Variants in NECTIN3 observed in about 807,000 individuals in gnomAD.
NECTIN3 encodes nectin-3.
Under a neutral mutation model 49.4 loss-of-function variants are expected in NECTIN3, and 8 were observed. That is an observed-to-expected ratio of 0.16 (90% CI 0.10 to 0.29). The LOEUF (loss-of-function observed/expected upper bound fraction) is 0.29. Among genes scored for constraint, NECTIN3 ranks in the 10% least tolerant of loss-of-function variants. The pLI is 1.00. For missense variants in NECTIN3, 581 were observed against 654.6 expected, an observed-to-expected ratio of 0.89 and a Z score of 1.23; for synonymous variants, 277 against 241.1, an observed-to-expected ratio of 1.15 and a Z score of -1.38.
intron 7 of NECTIN3, among the ~76,000 whole-genome samples, chr3:111,157,143 G>A (rs1159828130): frequency 6.6e-6 from 1 of 152,074 alleles, no homozygotes; most frequent in Non-Finnish European, 1.5e-5. Flanking sequence ...CACTGTTTTA[G>A]GTGAGGGGAC....
chr3:111,150,205 G>A (rs2034971623), intron 7 of NECTIN3, among the ~76,000 whole-genome samples: 1 of 151,940 alleles, frequency 6.6e-6, no homozygotes. Flanking sequence ...TTTCAGTCTA[G>A]CAGCAATATT....
chr3:111,072,028 C>A lies in NECTIN3; in HGVS notation c.11C>A (p.Thr4Asn), dbSNP rs767788694. Reference protein sequence around the residue: MARTLRPSPLCPGG... With the variant: MARNLRPSPLCPGG... ...GGGGGAGGGTGGGGGATGGCGCGGA[C>A]CCTGCGGCCGTCCCCGCTGTGTCCT... is the stretch of plus-strand genomic sequence containing the variant. Residue 4 changes from threonine (T) to asparagine (N), a missense_variant, in exon 1 of 6, where the codon ACC (threonine) becomes AAC (asparagine). Around this residue, in one of 3 missense-constraint regions of NECTIN3, gnomAD observed 109 missense variants for 69.1 expected, o/e 1.58. Transcript: ENST00000485303. The A allele has an allele frequency of 1.5e-4, 236 of 1,530,680 alleles. No individual in the cohort carries two copies. The highest frequency in any genetic ancestry group is 2.0e-4 in the Non-Finnish European group (229 of 1,138,648). The allele number at this position is 1,530,680 out of a possible 1,614,324, so 94.8% of individuals were successfully genotyped here.
chr3:111,111,355 A>C (rs918504920), intron 1 of NECTIN3, among the ~76,000 whole-genome samples: 5 of 152,150 alleles, frequency 3.3e-5, no homozygotes, highest in African/African-American at 1.2e-4. Context: ...GAAAAACAAA[A>C]TTATTTTACA....
intron 1 of NECTIN3, among the ~76,000 whole-genome samples, chr3:111,101,217 CCTTA>C (rs1475137762): frequency 2.0e-5 from 3 of 152,052 alleles, no homozygotes; most frequent in East Asian, 1.9e-4. Flanking sequence ...TAAAGAGAAC[CCTTA>C]CTTAATATTG....
chr3:111,099,617 CT>C (rs900967799), intron 1 of NECTIN3, among the ~76,000 whole-genome samples: 31 of 152,212 alleles, frequency 2.0e-4, no homozygotes, highest in African/African-American at 7.2e-4. Flanking sequence ...TATTAGCACC[CT>C]TTTTTTCTTA....
At chr3:111,125,746 AACATT>A (rs2034140434) in intron 4 of NECTIN3, among the ~76,000 whole-genome samples, 1 of 152,210 alleles carries the variant, frequency 6.6e-6, no homozygotes, top group South Asian at 2.1e-4. Context: ...AGGGTGCTAA[AACATT>A]ACATATTTAA....
intron 7 of NECTIN3, among the ~76,000 whole-genome samples, chr3:111,164,318 G>A (rs2035275904): frequency 6.6e-6 from 1 of 152,166 alleles, no homozygotes; most frequent in Non-Finnish European, 1.5e-5. Flanking sequence ...TCACGTTGAA[G>A]CTGTCTCCCA....
chr3:111,176,065 G>T (rs939442698), intron 7 of NECTIN3, among the ~76,000 whole-genome samples: 1 of 152,228 alleles, frequency 6.6e-6, no homozygotes, highest in Non-Finnish European at 1.5e-5. Flanking sequence ...TAGATGGCCT[G>T]TTATTTGTAG....
chr3:111,081,010 C>T (rs1016659269), intron 1 of NECTIN3, among the ~76,000 whole-genome samples: 10 of 152,208 alleles, frequency 6.6e-5, no homozygotes, highest in Admixed American at 5.2e-4. Flanking sequence ...AGGCTGGGTG[C>T]AGTGGCTCAC....
intron 7 of NECTIN3, among the ~76,000 whole-genome samples, chr3:111,160,633 C>G (rs1021135909): frequency 1.3e-5 from 2 of 151,610 alleles, no homozygotes; most frequent in Non-Finnish European, 2.9e-5. Flanking sequence ...CTTTTTGCAA[C>G]CAAAGTGATG....
intron 7 of NECTIN3, among the ~76,000 whole-genome samples, chr3:111,151,467 A>G (rs2034999132): frequency 6.6e-6 from 1 of 151,984 alleles, no homozygotes; most frequent in Non-Finnish European, 1.5e-5. Flanking sequence ...AAGAGACTAT[A>G]GAAATATTTT....
rs184726182 is a variant in NECTIN3, at chr3:111,161,737, C to T, written c.1221+14253C>T. On this transcript the variant is annotated intron_variant, in intron 7 of 8. Coordinates refer to the NECTIN3 transcript ENST00000493615. The stretch of plus-strand genomic sequence containing the variant: ...AAAAATCGTCTTCCATGAAAGCCAT[C>T]CCTCGTTCCAAAAAGATTGGTGACT... Among the ~76,000 whole-genome samples, 567 of 152,266 alleles carry T rather than the reference C, an allele frequency of 3.7e-3. 3 individuals are homozygous for T. Among genetic ancestry groups the T allele is most frequent in the Non-Finnish European group, 3.5e-3 (236 of 68,024 alleles).
At chr3:111,088,012 C>T (rs1049106758) in intron 1 of NECTIN3, among the ~76,000 whole-genome samples, 1 of 152,018 alleles carries the variant, frequency 6.6e-6, no homozygotes, top group African/African-American at 2.4e-5. Context: ...AAGCCTTTTT[C>T]TCAGCTTAGG....
rs569889197 is a variant in NECTIN3 at position 111,144,421 on chromosome 3, A to AT, written c.1001-478_1001-477insT. On this transcript the variant is annotated intron_variant, in intron 5 of 8. Transcript: ENST00000493615. The stretch of plus-strand genomic sequence containing the variant: ...TTCAAATTTTACAGTGTCCAATGTC[A>AT]ATTTTTTTTGATCTGGGATATTTTC... 7.2e-3 allele frequency among the ~76,000 whole-genome samples: 1,098 copies of AT among 151,608 alleles called. 13 individuals are homozygous for AT. The highest frequency in any genetic ancestry group is 0.025 in the African/African-American group (1,027 of 41,274).
intron 7 of NECTIN3, among the ~76,000 whole-genome samples, chr3:111,149,551 T>A (rs778100380): frequency 6.6e-6 from 1 of 151,012 alleles, no homozygotes; most frequent in Non-Finnish European, 1.5e-5. Context: ...TCCTGTTAGG[T>A]TTACTTTAGG....
At chr3:111,120,746 A>AGG (rs1265390596) in intron 3 of NECTIN3, among the ~76,000 whole-genome samples, 2 of 152,096 alleles carry the variant, frequency 1.3e-5, no homozygotes. Flanking sequence ...ACAGAAAGCT[A>AGG]GAGAGTCTCT....
downstream of NECTIN3, among the ~76,000 whole-genome samples, chr3:111,138,581 C>T (rs918786818): frequency 2.6e-5 from 4 of 151,424 alleles, no homozygotes; most frequent in Admixed American, 1.3e-4. Flanking sequence ...CCTTAGGTAT[C>T]ATTTATTTTC....
Position 111,134,359 on chromosome 3 carries a change from TGAAAA to T in NECTIN3, c.*145_*149del. 1.4e-6 allele frequency: 2 copies of T among 1,404,436 alleles called. No individual in the cohort carries two copies. Among genetic ancestry groups the T allele is most frequent in the Non-Finnish European group, 1.8e-6 (2 of 1,083,272 alleles). The allele number at this position is 1,404,436 out of a possible 1,614,324, so 87.0% of individuals were successfully genotyped here. On this transcript the variant is annotated 3_prime_UTR_variant, in exon 6 of 6. Transcript: ENST00000485303. The stretch of plus-strand genomic sequence containing the variant: ...ACTTTTTATATTCTAATCTGACAAA[TGAAAA>T]TGTAAAATCTGAGTTCAGTGTATCT...
chr3:111,123,245 T>A (rs1207385354), intron 4 of NECTIN3, among the ~76,000 whole-genome samples: 3 of 152,170 alleles, frequency 2.0e-5, no homozygotes, highest in Non-Finnish European at 2.9e-5. Context: ...TTCTTGTTTC[T>A]TCCCAGGGAT....
Sources: gnomAD v4.1 joint callset for allele counts (sites outside exome capture counted in the v4.1 genomes callset) on GRCh38, gnomAD v4.1.1 for gene constraint, gnomAD v4.1.1 regional missense constraint, MANE v1.5 for transcripts, NCBI Gene and HGNC (gene_info 2026-07-23, HGNC 2026-07-21) for gene names.